Variants in QSER1 observed in about 807,000 individuals in gnomAD.
The protein encoded by QSER1 is glutamine and serine rich 1.
QSER1 carries 49 observed loss-of-function variants against 158.5 expected under a neutral mutation model. That is an observed-to-expected ratio of 0.31 (90% confidence interval 0.25 to 0.39). QSER1 has a LOEUF of 0.39. Among genes scored for constraint, QSER1 ranks in the 10% least tolerant of loss-of-function variants. The pLI is 1.00. For missense variants in QSER1, 1,754 were observed against 2,010.3 expected (o/e 0.87, Z 2.44); for synonymous variants, 650 against 715.5 (o/e 0.91, Z 1.46).
At chr11:32,971,023 G>A (rs533790145) in intron 10 of QSER1, among the ~76,000 whole-genome samples, 4 of 116,438 alleles carry the variant, frequency 3.4e-5, no homozygotes, top group South Asian at 3.0e-4. Flanking sequence ...CGCGATCTCC[G>A]CCCACTGCAA....
chr11:32,944,629 A>G (rs1852297770), intron 4 of QSER1, among the ~76,000 whole-genome samples: 1 of 145,580 alleles, frequency 6.9e-6, no homozygotes, highest in Non-Finnish European at 1.5e-5. Context: ...GTTCTTTTAC[A>G]TTTGCTGAGG....
intron 11 of QSER1, 69 bp downstream of exon 11, chr11:32,973,618 T>C: frequency 1.4e-6 from 2 of 1,400,500 alleles, no homozygotes; most frequent in African/African-American, 1.4e-5. Flanking sequence ...ACTTAAAACA[T>C]TGAAACAAGC....
At chr11:32,952,369 T>C (rs1166590882) in intron 4 of QSER1, among the ~76,000 whole-genome samples, 1 of 146,348 alleles carries the variant, frequency 6.8e-6, no homozygotes, top group Non-Finnish European at 1.5e-5. Flanking sequence ...CCTATTGAAA[T>C]GATCCTGTGC....
Position 32,933,182 on chromosome 11 carries a change from C to G in QSER1, c.1924C>G (p.Gln642Glu). Residue 642 changes from glutamine (Q) to glutamate (E), a missense_variant, in exon 4 of 13, where the codon CAG (glutamine) becomes GAG (glutamate). By Grantham distance (29) the Gln-to-Glu change is conservative (BLOSUM62 2). Around this residue, in one of 2 missense-constraint regions of QSER1, gnomAD observed 1,707 missense variants for 1,919.6 expected, o/e 0.89. Transcript: ENST00000650167. ...TCAAGAGTCATCATCTCCCCAGTCC[C>G]AGAAGTTTTTGCCTGCTGTCCAGTC... ...QTQESSSPQSQKFLPAVQSSS... is the reference protein window; with the variant it reads ...QTQESSSPQSEKFLPAVQSSS... 6.2e-7 allele frequency: 1 copy of G among 1,613,860 alleles called. No homozygotes were observed. The highest frequency in any genetic ancestry group is 8.5e-7 in the Non-Finnish European group (1 of 1,179,930).
chr11:32,925,893 G>C (rs902870728), intron 1 of QSER1: 5 of 152,156 alleles, frequency 3.3e-5, no homozygotes, highest in Non-Finnish European at 5.9e-5. Flanking sequence ...TCAGTAATGA[G>C]ACAAACTGAC....
At chr11:32,952,284 G>A (rs1037199004) in intron 4 of QSER1, among the ~76,000 whole-genome samples, 54 of 152,232 alleles carry the variant, frequency 3.5e-4, no homozygotes, top group African/African-American at 1.3e-3. Flanking sequence ...CCTCTGTAAA[G>A]CTGGGGAAGT....
intron 1 of QSER1, among the ~76,000 whole-genome samples, chr11:32,907,002 C>G (rs1851702761): frequency 6.6e-6 from 1 of 152,122 alleles, no homozygotes; most frequent in Non-Finnish European, 1.5e-5. Flanking sequence ...ATACATATTT[C>G]ATTGGTTTTA....
Position 32,892,892 on chromosome 11 carries a change from C to T in QSER1, c.-234C>T, listed in dbSNP as rs1169802301. 6.9e-6 allele frequency among the ~76,000 whole-genome samples: 1 copy of T among 143,920 alleles called. No homozygotes were observed. Among genetic ancestry groups the T allele is most frequent in the Non-Finnish European group, 1.5e-5 (1 of 65,412 alleles). 94.4% of individuals were successfully genotyped at this position (143,920 alleles called of 152,430 possible). On this transcript the variant is annotated 5_prime_UTR_variant, in exon 1 of 13. Coordinates refer to ENST00000650167, the MANE Select transcript of QSER1 (RefSeq NM_001076786.3). The stretch of plus-strand genomic sequence containing the variant: ...CGCGAGTCCCGGCCGCGGGTGCCTC[C>T]GCTTCCCTGACGCCCAGCTGGGGCC...
intron 4 of QSER1, among the ~76,000 whole-genome samples, chr11:32,941,383 C>T (rs1260800330): frequency 9.3e-6 from 1 of 107,698 alleles, no homozygotes; most frequent in Admixed American, 1.0e-4. Flanking sequence ...TCCCTCCCCC[C>T]TCCACCCCCC....
Position 32,976,568 on chromosome 11 carries a change from C to A in QSER1, c.*94C>A. On this transcript the variant is annotated 3_prime_UTR_variant, in exon 13 of 13. Transcript: ENST00000650167. ...TCAGATGTCAAGTAGTGGCCTTCTG[C>A]AGGCCGGCCGCTTCCATCATGGAAC... The A allele has an allele frequency of 7.4e-7, 1 of 1,347,960 alleles. No homozygotes were observed. Among genetic ancestry groups the A allele is most frequent in the Non-Finnish European group, 1.0e-6 (1 of 962,232 alleles). 83.5% of individuals were successfully genotyped at this position (1,347,960 alleles called of 1,614,324 possible). A position where few individuals can be genotyped will look rare whatever the true frequency, so the allele number is the denominator to read the frequency against.
chr11:32,967,647 A>G (rs901839705), intron 9 of QSER1, among the ~76,000 whole-genome samples: 9 of 152,186 alleles, frequency 5.9e-5, no homozygotes, highest in African/African-American at 1.7e-4. Flanking sequence ...CATATATTCT[A>G]ATTTAACCTT....
At chr11:32,902,792 A>C (rs1851641764) in intron 1 of QSER1, among the ~76,000 whole-genome samples, 1 of 152,200 alleles carries the variant, frequency 6.6e-6, no homozygotes. Flanking sequence ...TGGCCTAATA[A>C]TTTTATAGTG....
chr11:32,966,140 C>A (rs754442767), intron 8 of QSER1, among the ~76,000 whole-genome samples, 160 bp from the exon 9 acceptor site: 6 of 152,130 alleles, frequency 3.9e-5, no homozygotes, highest in Non-Finnish European at 8.8e-5. Flanking sequence ...CATGTGCAAA[C>A]CAGCTTTGAG....
chr11:32,908,560 T>G (rs1243625745), intron 1 of QSER1, among the ~76,000 whole-genome samples: 1 of 152,206 alleles, frequency 6.6e-6, no homozygotes, highest in Non-Finnish European at 1.5e-5. Flanking sequence ...CCAACTTGAG[T>G]GTATCATTTG....
chr11:32,963,585 T>G (rs1384962376), intron 8 of QSER1, among the ~76,000 whole-genome samples: 1 of 152,058 alleles, frequency 6.6e-6, no homozygotes, highest in Non-Finnish European at 1.5e-5. Flanking sequence ...ATGCTTGACT[T>G]CGTGATCCAC....
intron 1 of QSER1, among the ~76,000 whole-genome samples, chr11:32,913,607 C>A (rs770134345): frequency 1.3e-5 from 2 of 152,174 alleles, no homozygotes; most frequent in Non-Finnish European, 2.9e-5. Context: ...TAACACTTGG[C>A]AGTCAGTAAA....
At chr11:32,898,082 C>A (rs747670163) in intron 1 of QSER1, among the ~76,000 whole-genome samples, 12 of 152,190 alleles carry the variant, frequency 7.9e-5, no homozygotes, top group African/African-American at 2.7e-4. Flanking sequence ...TCTTCTTATA[C>A]CATCCAGAGT....
At chr11:32,914,978 G>A (rs1008220093) in intron 1 of QSER1, among the ~76,000 whole-genome samples, 12 of 152,086 alleles carry the variant, frequency 7.9e-5, no homozygotes, top group African/African-American at 2.7e-4. Context: ...GAAGTGTAGC[G>A]GCCTGATCAT....
intron 10 of QSER1, 94 bp from the exon 11 acceptor site, chr11:32,973,303 T>C: frequency 1.5e-6 from 2 of 1,305,750 alleles, no homozygotes; most frequent in South Asian, 2.5e-5. Context: ...AAATAGGTGT[T>C]TGTGTGCACA....
Sources: gnomAD v4.1 joint callset for allele counts (sites outside exome capture counted in the v4.1 genomes callset) on GRCh38, gnomAD v4.1.1 for gene constraint, gnomAD v4.1.1 regional missense constraint, MANE v1.5 for transcripts, NCBI Gene and HGNC (gene_info 2026-07-23, HGNC 2026-07-21) for gene names.